The following KDM1B variants were observed in gnomAD, a reference collection of about 807,000 sequenced individuals.
KDM1B encodes lysine-specific histone demethylase 2.
Under a neutral mutation model 107.4 loss-of-function variants are expected in KDM1B, and 63 were observed. The ratio of observed to expected loss-of-function variants is 0.59; its 90% confidence interval spans 0.48 to 0.72. The LOEUF (loss-of-function observed/expected upper bound fraction) is 0.72. KDM1B is among the 30% of genes least tolerant of loss of function. The pLI is 0.00. For synonymous variants in KDM1B, 363 were observed against 363.9 expected (o/e 1.00, Z 0.03); for missense variants, 749 against 1,020.8 (o/e 0.73, Z 3.63).
At chr6:18,190,027 G>A (rs569770172) in intron 9 of KDM1B, among the ~76,000 whole-genome samples, 4 of 152,116 alleles carry the variant, frequency 2.6e-5, no homozygotes, top group Non-Finnish European at 5.9e-5. Flanking sequence ...GTATGTGCCT[G>A]TAATCCCTGC....
chr6:18,201,454 A>G lies in KDM1B; in HGVS notation c.1360-32A>G. The G allele has an allele frequency of 6.7e-7, 1 of 1,501,192 alleles. No individual in the cohort carries two copies. 93.0% of individuals were successfully genotyped at this position (1,501,192 alleles called of 1,614,324 possible). A position where few individuals can be genotyped will look rare whatever the true frequency, so the allele number is the denominator to read the frequency against. On this transcript the variant is annotated intron_variant, in intron 13 of 21. Transcript: ENST00000650836. This position sits in a 1 kb window ranked among gnomAD's most constrained non-coding sequence, Gnocchi z 4.3. ...CTGTAAATATTTTTTTCCAGGGAAA[A>G]TTTTCACCTTCTTATTCTTATTATT...
intron 21 of KDM1B, 124 bp downstream of exon 21, chr6:18,218,009 G>A (rs768221960): frequency 1.0e-6 from 1 of 1,004,566 alleles, no homozygotes; most frequent in Non-Finnish European, 1.5e-6. Flanking sequence ...ACCACAGACA[G>A]CAGAAGCCTT....
chr6:18,197,518 C>T lies in KDM1B; in HGVS notation c.1147-69C>T, dbSNP rs781005842. On this transcript the variant is annotated intron_variant, in intron 11 of 21. Transcript: ENST00000650836. The surrounding 1 kb of genome is among the most constrained non-coding windows in gnomAD (Gnocchi z 4.5). ...AAATGAACGAATTTGCTCTGCAGTTCCGGAACAACTAAAACAGGACGTTGT... is the reference window on the plus strand; with the variant it reads ...AAATGAACGAATTTGCTCTGCAGTTTCGGAACAACTAAAACAGGACGTTGT... 1.6e-6 allele frequency: 2 copies of T among 1,238,008 alleles called. No homozygotes were observed. Among genetic ancestry groups the T allele is most frequent in the Non-Finnish European group, 2.4e-6 (2 of 849,650 alleles). The allele number at this position is 1,238,008 out of a possible 1,614,324, so 76.7% of individuals were successfully genotyped here. A position where few individuals can be genotyped will look rare whatever the true frequency, so the allele number is the denominator to read the frequency against.
intron 12 of KDM1B, among the ~76,000 whole-genome samples, chr6:18,199,951 T>C (rs938226417): frequency 7.2e-5 from 11 of 152,158 alleles, no homozygotes; most frequent in African/African-American, 2.7e-4. Context: ...CAATCTCTGC[T>C]CCCTGCAGCC....
intron 2 of KDM1B, among the ~76,000 whole-genome samples, chr6:18,157,765 C>G (rs891505111): frequency 1.0e-4 from 15 of 149,898 alleles, no homozygotes; most frequent in African/African-American, 3.7e-4. Flanking sequence ...AAAATAAAGT[C>G]CAAAAAGCCT....
rs779587268 is a variant in KDM1B, at chr6:18,159,510, A to G, written c.-13-373A>G. On this transcript the variant is annotated intron_variant, in intron 2 of 21. Transcript: ENST00000650836. The surrounding 1 kb of genome is among the most constrained non-coding windows in gnomAD (Gnocchi z 4.5). The stretch of plus-strand genomic sequence containing the variant: ...CGATATGCCAGTTTTGGTGCTTTAA[A>G]TAGGTTATCTTGTTTAAACTTCATG... 1.3e-5 allele frequency among the ~76,000 whole-genome samples: 2 copies of G among 152,210 alleles called. No homozygotes were observed. Among genetic ancestry groups the G allele is most frequent in the African/African-American group, 4.8e-5 (2 of 41,446 alleles).
Position 18,159,981 on chromosome 6 carries a change from AG to A in KDM1B, c.87+1del. 1 of 1,593,828 alleles carries A rather than the reference AG, an allele frequency of 6.3e-7. No homozygotes were observed. The highest frequency in any genetic ancestry group is 2.2e-5 in the East Asian group (1 of 44,620). On this transcript the variant is annotated frameshift_variant and splice_region_variant, in exon 3 of 22. Coordinates refer to ENST00000650836, the MANE Select transcript of KDM1B (RefSeq NM_001364614.2). LOFTEE classifies it high-confidence loss of function. The surrounding 1 kb of genome is among the most constrained non-coding windows in gnomAD (Gnocchi z 4.5). ...CTTCCTTTGAGGAGCTCCGGTAGGC[AG>A]GTAGTGTTCATTTATTCATTCAACA... Reference protein sequence around the residue: ...DSLPLRSSGRQAKKKATETTD... With the variant: ...DSLPLRSSGRXAKKKATETTD...
intron 6 of KDM1B, among the ~76,000 whole-genome samples, chr6:18,169,302 C>G (rs1055145915): frequency 3.3e-5 from 5 of 149,456 alleles, no homozygotes; most frequent in Admixed American, 3.3e-4. Context: ...GGTGCCATCT[C>G]TGGCTCACTG....
Position 18,197,299 on chromosome 6 carries a change from T to C in KDM1B, c.1146+66T>C. 2 of 1,401,220 alleles carry C rather than the reference T, an allele frequency of 1.4e-6. No individual in the cohort carries two copies. Among genetic ancestry groups the C allele is most frequent in the East Asian group, 4.7e-5 (2 of 42,666 alleles). The allele number at this position is 1,401,220 out of a possible 1,614,324, so 86.8% of individuals were successfully genotyped here. A position where few individuals can be genotyped will look rare whatever the true frequency, so the allele number is the denominator to read the frequency against. ...AGGACAAACGCTAGTCTGTTGCTGTTAATAAATATAGTAAAAGCCACATTA... is the reference window on the plus strand; with the variant it reads ...AGGACAAACGCTAGTCTGTTGCTGTCAATAAATATAGTAAAAGCCACATTA... On this transcript the variant is annotated intron_variant, in intron 11 of 21. Transcript: ENST00000650836. This position sits in a 1 kb window ranked among gnomAD's most constrained non-coding sequence, Gnocchi z 4.5.
Position 18,223,329 on chromosome 6 carries a change from CCCCACCG to C in KDM1B, c.*1341_*1347del, listed in dbSNP as rs1789918751. On this transcript the variant is annotated 3_prime_UTR_variant, in exon 22 of 22. Transcript: ENST00000650836. ...GAACCTCAGGCATTTAAGACACCTCCCCCACCGCCCGCCCCCCGCCCCCCCCAATCAA... is the reference window on the plus strand; with the variant it reads ...GAACCTCAGGCATTTAAGACACCTCCCCCGCCCCCCGCCCCCCCCAATCAA... The C allele has an allele frequency of 7.0e-6, 1 of 142,998 alleles. No individual in the cohort carries two copies. Among genetic ancestry groups the C allele is most frequent in the Non-Finnish European group, 1.5e-5 (1 of 65,992 alleles). 8.9% of individuals were successfully genotyped at this position (142,998 alleles called of 1,614,324 possible).
intron 21 of KDM1B, among the ~76,000 whole-genome samples, chr6:18,220,914 ATTT>A (rs1429141342): frequency 3.3e-5 from 5 of 151,682 alleles, no homozygotes; most frequent in Admixed American, 6.6e-5. Flanking sequence ...TGCCCAGCTA[ATTT>A]TTTATTTTTT....
chr6:18,182,956 G>GA (rs1278091054), intron 7 of KDM1B, among the ~76,000 whole-genome samples: 1 of 152,204 alleles, frequency 6.6e-6, no homozygotes, highest in Non-Finnish European at 1.5e-5. Flanking sequence ...GTGCTTTAGT[G>GA]AAAAGCTTTC....
intron 4 of KDM1B, among the ~76,000 whole-genome samples, chr6:18,161,873 A>G (rs886924718): frequency 6.6e-6 from 1 of 151,828 alleles, no homozygotes; most frequent in East Asian, 1.9e-4. Context: ...TACAGGTCTC[A>G]TAGAAACTAC....
At chr6:18,184,735 C>CTTTTT (rs1786725164) in intron 7 of KDM1B, among the ~76,000 whole-genome samples, 1 of 53,584 alleles carries the variant, frequency 1.9e-5, no homozygotes, top group Non-Finnish European at 4.2e-5. Context: ...TAGCTTTTTT[C>CTTTTT]CTTTTTTTTT....
At chr6:18,188,060 C>T (rs769875991) in intron 9 of KDM1B, 58 bp downstream of exon 9, 26 of 1,430,630 alleles carry the variant, frequency 1.8e-5, no homozygotes, top group Non-Finnish European at 2.2e-5. Flanking sequence ...CCCTGAGGAA[C>T]GTGTGAGTGA....
intron 7 of KDM1B, among the ~76,000 whole-genome samples, chr6:18,174,226 G>C (rs1785846073): frequency 6.6e-6 from 1 of 151,750 alleles, no homozygotes. Flanking sequence ...AAATCAGGTA[G>C]TATACATTCT....
chr6:18,221,857 A>T, intron 21 of KDM1B, 52 bp from the exon 22 acceptor site: 1 of 1,376,064 alleles, frequency 7.3e-7, no homozygotes, highest in Non-Finnish European at 9.9e-7. Flanking sequence ...TTACCTTTTG[A>T]TATCAACTCA....
chr6:18,212,688 G>C lies in KDM1B; in HGVS notation c.1983+84G>C. ...AACTTCTGATATGGAGAAGTAGTGG[G>C]TACTATCTAAATACAAATAAAACTC... On this transcript the variant is annotated intron_variant, in intron 18 of 21. Transcript: ENST00000650836. The surrounding 1 kb of genome is among the most constrained non-coding windows in gnomAD (Gnocchi z 5.2). 1.2e-6 allele frequency: 1 copy of C among 853,622 alleles called. No individual in the cohort carries two copies. The highest frequency in any genetic ancestry group is 1.3e-5 in the South Asian group (1 of 74,446). 52.9% of individuals were successfully genotyped at this position (853,622 alleles called of 1,614,324 possible). A position where few individuals can be genotyped will look rare whatever the true frequency, so the allele number is the denominator to read the frequency against.
In KDM1B at chr6:18,214,227, C is replaced by T. The variant is rs372252652; in HGVS notation, c.2109+446C>T. ...GGAGAATGGCATACCCAGAGCTGGA[C>T]GGGGGTGGTCACTTTCTCTGCCGTC... On this transcript the variant is annotated intron_variant, in intron 19 of 21. Transcript: ENST00000650836. The surrounding 1 kb of genome is among the most constrained non-coding windows in gnomAD (Gnocchi z 4.4). Among the ~76,000 whole-genome samples, 2 of 152,066 alleles carry T rather than the reference C, an allele frequency of 1.3e-5. No homozygotes were observed. Among genetic ancestry groups the T allele is most frequent in the Non-Finnish European group, 2.9e-5 (2 of 68,018 alleles).
Sources: allele counts gnomAD v4.1 joint callset (sites outside exome capture counted in the v4.1 genomes callset), GRCh38; gene constraint gnomAD v4.1.1; non-coding constraint Gnocchi (gnomAD v3.1); transcripts MANE v1.5; gene names NCBI Gene and HGNC (gene_info 2026-07-23, HGNC 2026-07-21).